MTMR2: variants seen among roughly 807,000 people sequenced by gnomAD.
The protein encoded by MTMR2 is phosphatidylinositol-3,5-bisphosphate 3-phosphatase MTMR2.
MTMR2 carries 55 observed loss-of-function variants against 86.9 expected under a neutral mutation model. That is an observed-to-expected ratio of 0.63 (90% CI 0.51 to 0.79). The LOEUF (loss-of-function observed/expected upper bound fraction) is 0.79. Among genes scored for constraint, MTMR2 ranks in the 30% least tolerant of loss-of-function variants. MTMR2 has a pLI of 0.00. For synonymous variants in MTMR2, 241 were observed against 266.8 expected (o/e 0.90, Z 0.94); for missense variants, 659 against 772.3 (o/e 0.85, Z 1.74).
chr11:95,853,212 C>T (rs1864090673), intron 7 of MTMR2, among the ~76,000 whole-genome samples: 1 of 151,376 alleles, frequency 6.6e-6, no homozygotes, highest in African/African-American at 2.4e-5. Flanking sequence ...TGGTATTCAA[C>T]CAAGAAACCT....
intron 1 of MTMR2, among the ~76,000 whole-genome samples, chr11:95,904,781 C>G (rs1167765078): frequency 6.6e-6 from 1 of 152,206 alleles, no homozygotes; most frequent in African/African-American, 2.4e-5. Context: ...CTTGCTTTCA[C>G]TTTACTCTAT....
chr11:95,897,344 G>A (rs1865915116), intron 1 of MTMR2, among the ~76,000 whole-genome samples: 1 of 152,038 alleles, frequency 6.6e-6, no homozygotes, highest in Admixed American at 6.6e-5. Flanking sequence ...ATGCATGTGT[G>A]CTAAAATAGC....
chr11:95,862,419 T>A, intron 3 of MTMR2, 53 bp from the exon 4 acceptor site: 1 of 1,294,534 alleles, frequency 7.7e-7, no homozygotes, highest in Non-Finnish European at 1.1e-6. Flanking sequence ...TATTAAAACC[T>A]GCTATCTCAT....
intron 11 of MTMR2, among the ~76,000 whole-genome samples, chr11:95,844,358 A>C (rs1863680269): frequency 6.6e-6 from 1 of 152,230 alleles, no homozygotes; most frequent in Non-Finnish European, 1.5e-5. Context: ...TGTTACAGTT[A>C]ACCCTTGAAC....
At chr11:95,881,742 T>C (rs1865329265) in intron 2 of MTMR2, among the ~76,000 whole-genome samples, 1 of 152,176 alleles carries the variant, frequency 6.6e-6, no homozygotes, top group South Asian at 2.1e-4. Flanking sequence ...TTTTCTCAGA[T>C]TTCCCATACA....
At chr11:95,916,318 C>T (rs1866702773) in intron 1 of MTMR2, among the ~76,000 whole-genome samples, 2 of 152,122 alleles carry the variant, frequency 1.3e-5, no homozygotes, top group South Asian at 2.1e-4. Context: ...TGTTTACCTA[C>T]GTATGGCCAT....
At chr11:95,853,611 C>T (rs759418430) in intron 7 of MTMR2, among the ~76,000 whole-genome samples, 1 of 152,124 alleles carries the variant, frequency 6.6e-6, no homozygotes, top group Non-Finnish European at 1.5e-5. Flanking sequence ...TCCCAGATGG[C>T]CTCATGTTCT....
chr11:95,911,100 C>T (rs1866488207), intron 1 of MTMR2, among the ~76,000 whole-genome samples: 1 of 152,124 alleles, frequency 6.6e-6, no homozygotes, highest in South Asian at 2.1e-4. Flanking sequence ...ATCATCATGG[C>T]ATCTGATTGA....
chr11:95,856,250 G>GA (rs1864207935), intron 7 of MTMR2, among the ~76,000 whole-genome samples: 1 of 150,852 alleles, frequency 6.6e-6, no homozygotes, highest in African/African-American at 2.4e-5. Context: ...GGGGACACAG[G>GA]TTGTCCTGCA....
At position 95,841,791 on chromosome 11, in the gene MTMR2, G is replaced by T. The variant is rs140296933; in HGVS notation, c.1387-82C>A. On this transcript the variant is annotated intron_variant, in intron 11 of 14. Transcript: ENST00000346299. ...AAATAATTTTTTAAAAAAATAATTGGTCAATAGTCTAAAAATTTTCAAAGT... is the reference window on the plus strand; with the variant it reads ...AAATAATTTTTTAAAAAAATAATTGTTCAATAGTCTAAAAATTTTCAAAGT... 3.7e-4 allele frequency: 424 copies of T among 1,151,568 alleles called. 2 individuals are homozygous for T. The African/African-American group carries it at 5.9e-3, about 16-fold the overall frequency. The allele number at this position is 1,151,568 out of a possible 1,614,324, so 71.3% of individuals were successfully genotyped here.
intron 11 of MTMR2, among the ~76,000 whole-genome samples, chr11:95,842,150 AC>A (rs934587439): frequency 2.0e-5 from 3 of 152,168 alleles, no homozygotes; most frequent in Non-Finnish European, 4.4e-5. Flanking sequence ...GTAAAAAATC[AC>A]CCATTATCCT....
intron 2 of MTMR2, among the ~76,000 whole-genome samples, chr11:95,873,298 C>T: frequency 6.6e-6 from 1 of 152,154 alleles, no homozygotes; most frequent in East Asian, 1.9e-4. Context: ...TGTTATTGGT[C>T]TATTCAGGGA....
chr11:95,850,275 TA>T (rs34901009), intron 8 of MTMR2, among the ~76,000 whole-genome samples: 41,609 of 145,044 alleles, frequency 0.29, 6,913 homozygotes, highest in Non-Finnish European at 0.39. Context: ...TTCTAGGACT[TA>T]AAAAAAAAAA....
At chr11:95,898,934 A>T (rs1179996881) in intron 1 of MTMR2, among the ~76,000 whole-genome samples, 1 of 152,186 alleles carries the variant, frequency 6.6e-6, no homozygotes, top group Non-Finnish European at 1.5e-5. Context: ...GAGAAGGCAG[A>T]TCACTTTTAT....
chr11:95,912,420 T>A (rs1375775977), intron 1 of MTMR2, among the ~76,000 whole-genome samples: 1 of 151,734 alleles, frequency 6.6e-6, no homozygotes, highest in Non-Finnish European at 1.5e-5. Flanking sequence ...AATATAATAA[T>A]TTTTTAGAAA....
In MTMR2 at chr11:95,903,896, C is replaced by T. The variant is rs560186198; in HGVS notation, c.81-15635G>A. 1.3e-4 allele frequency among the ~76,000 whole-genome samples: 20 copies of T among 152,220 alleles called. 1 individual carries two copies. The South Asian group carries it at 3.5e-3, about 27-fold the overall frequency. On this transcript the variant is annotated intron_variant, in intron 1 of 14. Coordinates refer to ENST00000346299, the MANE Select transcript of MTMR2 (RefSeq NM_016156.6). ...TTAAAAGGCTGAGGCAGGCGGATCACGAGGTCAGGAGATTGACACTACCCT... is the reference window on the plus strand; with the variant it reads ...TTAAAAGGCTGAGGCAGGCGGATCATGAGGTCAGGAGATTGACACTACCCT...
In MTMR2 at chr11:95,876,236, G is replaced by A. The variant is rs565833474; in HGVS notation, c.187-10560C>T. Among the ~76,000 whole-genome samples, 148 of 152,288 alleles carry A rather than the reference G, an allele frequency of 9.7e-4. 1 individual carries two copies. The highest frequency in any genetic ancestry group is 6.8e-3 in the Middle Eastern group (2 of 294). On this transcript the variant is annotated intron_variant, in intron 2 of 14. Transcript: ENST00000346299. ...AGGCAGGCAGGCCTCCTTGAGCTGC[G>A]GTGGGCTCCACCCAGTTTGAGCTTC...
At chr11:95,836,451 G>GTGA in intron 13 of MTMR2, 127 bp from the exon 14 acceptor site, 1 of 828,868 alleles carries the variant, frequency 1.2e-6, no homozygotes, top group Non-Finnish European at 2.0e-6. Flanking sequence ...GGAGACTTCA[G>GTGA]TGATAAACCA....
intron 2 of MTMR2, among the ~76,000 whole-genome samples, chr11:95,873,802 T>C (rs1270410978): frequency 6.6e-6 from 1 of 152,182 alleles, no homozygotes; most frequent in Non-Finnish European, 1.5e-5. Flanking sequence ...GTGTCTTTGT[T>C]CTCATTGGTT....
Sources: gnomAD v4.1 joint callset for allele counts (sites outside exome capture counted in the v4.1 genomes callset) on GRCh38, gnomAD v4.1.1 for gene constraint, MANE v1.5 for transcripts, NCBI Gene and HGNC (gene_info 2026-07-23, HGNC 2026-07-21) for gene names.